C4orf50: variants seen among roughly 807,000 people sequenced by gnomAD.
C4orf50 encodes the protein chromosome 4 open reading frame 50.
Under a neutral mutation model 77.2 loss-of-function variants are expected in C4orf50, and 80 were observed. The ratio of observed to expected loss-of-function variants is 1.04; its 90% CI spans 0.87 to 1.25. The LOEUF is 1.25. Among genes scored for constraint, C4orf50 ranks in the 50% most tolerant of loss-of-function variants. C4orf50 has a pLI of 0.00. For synonymous variants in C4orf50, 532 were observed against 465.3 expected, an observed-to-expected ratio of 1.14 and a Z score of -1.84; for missense variants, 1,257 against 1,152.9, an observed-to-expected ratio of 1.09 and a Z score of -1.31.
intron 7 of C4orf50, among the ~76,000 whole-genome samples, chr4:5,936,515 T>C: frequency 7.7e-6 from 1 of 129,490 alleles, no homozygotes; most frequent in Admixed American, 1.0e-4. Context: ...TGAGCCGAGA[T>C]CGCACCACTG....
At chr4:5,997,166 C>T (rs1721629567) in intron 25 of C4orf50, among the ~76,000 whole-genome samples, 1 of 152,158 alleles carries the variant, frequency 6.6e-6, no homozygotes, top group African/African-American at 2.4e-5. Flanking sequence ...GCTGGGTAGG[C>T]AGCGTGGAGA....
chr4:5,976,457 GAAAAAAAAAAAAA>G (rs138450804), intron 29 of C4orf50, among the ~76,000 whole-genome samples: 7 of 93,102 alleles, frequency 7.5e-5, no homozygotes, highest in South Asian at 4.4e-4. Flanking sequence ...CTCTGTCTCG[GAAAAAAAAAAAAA>G]AAAAAAAAAA....
chr4:5,993,033 C>A, intron 26 of C4orf50, 103 bp from the exon 5 acceptor site: 2 of 396,774 alleles, frequency 5.0e-6, no homozygotes, highest in Non-Finnish European at 8.9e-6. Context: ...AGATGGCACC[C>A]CCCCCACCCC....
At chr4:5,998,401 GGAGA>G (rs1026262552) in intron 25 of C4orf50, among the ~76,000 whole-genome samples, 2 of 152,096 alleles carry the variant, frequency 1.3e-5, no homozygotes, top group African/African-American at 2.4e-5. Context: ...GCTTGCTGCT[GGAGA>G]GAGAAACAAA....
At chr4:5,936,435 G>T (rs1168215781) in intron 7 of C4orf50, among the ~76,000 whole-genome samples, 1 of 151,694 alleles carries the variant, frequency 6.6e-6, no homozygotes, top group Non-Finnish European at 1.5e-5. Flanking sequence ...GGTGGCGGGC[G>T]CCTCTAATCC....
At chr4:5,928,363 T>TAC (rs143874965) in intron 7 of C4orf50, among the ~76,000 whole-genome samples, 62,941 of 146,298 alleles carry the variant, frequency 0.43, 15,200 homozygotes, top group East Asian at 0.81. Flanking sequence ...CACACACACA[T>TAC]ACACACACAC....
chr4:5,986,906 A>T (rs79102805), intron 28 of C4orf50, among the ~76,000 whole-genome samples: 18 of 152,168 alleles, frequency 1.2e-4, no homozygotes, highest in African/African-American at 3.6e-4. Flanking sequence ...CACATAGTAG[A>T]TAGGCAGTAC....
At chr4:5,949,825 A>C (rs1303034281) in intron 7 of C4orf50, among the ~76,000 whole-genome samples, 1 of 152,082 alleles carries the variant, frequency 6.6e-6, no homozygotes, top group Non-Finnish European at 1.5e-5. Flanking sequence ...CATCTCTACT[A>C]AAAATACAGA....
chr4:6,010,958 T>A (rs1194902161), intron 24 of C4orf50, among the ~76,000 whole-genome samples: 1 of 152,214 alleles, frequency 6.6e-6, no homozygotes, highest in Non-Finnish European at 1.5e-5. Flanking sequence ...ACTTCACAGA[T>A]GAGGAAACTG....
At chr4:5,939,694 C>G (rs1207301047) in intron 7 of C4orf50, among the ~76,000 whole-genome samples, 2 of 152,162 alleles carry the variant, frequency 1.3e-5, no homozygotes, top group Non-Finnish European at 2.9e-5. Context: ...CCTGAAGTCT[C>G]TAATTTGTCT....
chr4:6,001,837 G>A (rs1051119500), intron 25 of C4orf50, among the ~76,000 whole-genome samples: 7 of 152,228 alleles, frequency 4.6e-5, no homozygotes, highest in Admixed American at 2.6e-4. Flanking sequence ...GTGTGCCTGC[G>A]GCACTCAGCA....
chr4:5,949,244 G>C (rs1348233845), intron 7 of C4orf50, among the ~76,000 whole-genome samples: 1 of 152,176 alleles, frequency 6.6e-6, no homozygotes, highest in Non-Finnish European at 1.5e-5. Flanking sequence ...AATAAAAAGA[G>C]AAGGAGGCAG....
chr4:5,994,343 G>C lies in C4orf50; in HGVS notation c.1093+4C>G. On this transcript the variant is annotated splice_donor_region_variant and intron_variant, in intron 26 of 33. Coordinates refer to ENST00000531445, the Ensembl canonical transcript of C4orf50. ...GTCCTCCACGCACCGCGGTACCCGC[G>C]CACCTGCTGGGGCCCTTTGTCTGGG... 1 of 399,248 alleles carries C rather than the reference G, an allele frequency of 2.5e-6. No individual in the cohort carries two copies. Among genetic ancestry groups the C allele is most frequent in the African/African-American group, 2.1e-5 (1 of 48,770 alleles). 24.7% of individuals were successfully genotyped at this position (399,248 alleles called of 1,614,324 possible).
Position 5,981,421 on chromosome 4 carries a change from T to C in C4orf50, c.3700-1083A>G, listed in dbSNP as rs556866977. On this transcript the variant is annotated intron_variant, in intron 28 of 33. Transcript: ENST00000531445. ...GAGTATCTTTTTTTTTTTTTTTTTTTGAGATGGAGTTTCGCTTTTGTTGTC... is the reference window on the plus strand; with the variant it reads ...GAGTATCTTTTTTTTTTTTTTTTTTCGAGATGGAGTTTCGCTTTTGTTGTC... Among the ~76,000 whole-genome samples, 1,249 of 142,714 alleles carry C rather than the reference T, an allele frequency of 8.8e-3. 16 individuals carry two copies. Among genetic ancestry groups the C allele is most frequent in the Middle Eastern group, 0.011 (3 of 262 alleles). The allele number at this position is 142,714 out of a possible 152,430, so 93.6% of individuals were successfully genotyped here. A position where few individuals can be genotyped will look rare whatever the true frequency, so the allele number is the denominator to read the frequency against.
chr4:5,938,587 T>C (rs1028088229), intron 7 of C4orf50, among the ~76,000 whole-genome samples: 2 of 34,538 alleles, frequency 5.8e-5, no homozygotes, highest in Non-Finnish European at 1.7e-4. Context: ...AACAGGCCAT[T>C]TTTTTTTCTC....
In C4orf50 at chr4:5,985,051, A is replaced by G. The variant is rs79836389; in HGVS notation, c.3699+3296T>C. 6.6e-3 allele frequency among the ~76,000 whole-genome samples: 1,008 copies of G among 152,276 alleles called. 7 individuals carry two copies. Among genetic ancestry groups the G allele is most frequent in the African/African-American group, 0.023 (960 of 41,572 alleles). The stretch of plus-strand genomic sequence containing the variant: ...AATTATGACTGATTTCTGGACAGAA[A>G]CTATGAGAGGCAGAAGACAATGGAA... On this transcript the variant is annotated intron_variant, in intron 28 of 33. Coordinates refer to ENST00000531445, the Ensembl canonical transcript of C4orf50.
rs948084380 is a variant in C4orf50 at position 5,970,903 on chromosome 4, G to A, written c.4104+2756C>T. 9.2e-5 allele frequency among the ~76,000 whole-genome samples: 14 copies of A among 152,298 alleles called. No homozygotes were observed. The highest frequency in any genetic ancestry group is 3.9e-4 in the East Asian group (2 of 5,158). Reference sequence around the variant, plus strand: ...AAGCAGATCCATGGAGAGCGTGCGAGGGGGAGGGCAGCATGAGTCTTGGCC... The same window carrying A: ...AAGCAGATCCATGGAGAGCGTGCGAAGGGGAGGGCAGCATGAGTCTTGGCC... On this transcript the variant is annotated intron_variant, in intron 31 of 33. Transcript: ENST00000531445. This position sits in a 1 kb window ranked among gnomAD's most constrained non-coding sequence, Gnocchi z 4.3.
chr4:5,990,131 G>A, exon 28 of C4orf50: 1 of 1,268,486 alleles, frequency 7.9e-7, no homozygotes, highest in African/African-American at 1.5e-5. Flanking sequence ...AGGGATTCGG[G>A]ACCCTCCTTT....
At position 5,899,444 on chromosome 4, in the gene C4orf50, A is replaced by G. The variant is rs559679523; in HGVS notation, c.*2475-1256T>C. On this transcript the variant is annotated intron_variant, in intron 7 of 7. Coordinates refer to the C4orf50 transcript ENST00000324058. ...AGAGCTCAGCTCCAGGCTCTGCCACAGCGGAGCTCAAAGCAGTAACACATC... is the reference window on the plus strand; with the variant it reads ...AGAGCTCAGCTCCAGGCTCTGCCACGGCGGAGCTCAAAGCAGTAACACATC... 3 of 152,386 alleles carry G rather than the reference A, an allele frequency of 2.0e-5. No homozygotes were observed. The South Asian group carries it at 6.2e-4, about 32-fold the overall frequency. The allele number at this position is 152,386 out of a possible 1,614,324, so 9.4% of individuals were successfully genotyped here. A position where few individuals can be genotyped will look rare whatever the true frequency, so the allele number is the denominator to read the frequency against.
Sources: allele counts gnomAD v4.1 joint callset (sites outside exome capture counted in the v4.1 genomes callset), GRCh38; gene constraint gnomAD v4.1.1; non-coding constraint Gnocchi (gnomAD v3.1); transcripts MANE v1.5; gene names NCBI Gene and HGNC (gene_info 2026-07-23, HGNC 2026-07-21).